Variants in SEC31B observed in about 807,000 individuals in gnomAD.
SEC31B encodes the protein SEC31 homolog B, COPII component.
In SEC31B, 113 loss-of-function variants were observed where a neutral mutation model predicts 135.0. That is an observed-to-expected ratio of 0.84 (90% CI 0.72 to 0.98). The LOEUF (loss-of-function observed/expected upper bound fraction) is 0.98, where lower values mean the gene tolerates loss of function less well. SEC31B is among the 50% of genes least tolerant of loss of function. The pLI is 0.00. For synonymous variants in SEC31B, 508 were observed against 549.4 expected, an observed-to-expected ratio of 0.92 and a Z score of 1.05; for missense variants, 1,296 against 1,421.1, an observed-to-expected ratio of 0.91 and a Z score of 1.42.
intron 19 of SEC31B, 110 bp from the exon 20 acceptor site, chr10:100,490,993 A>G: frequency 1.5e-6 from 1 of 677,022 alleles, no homozygotes. Flanking sequence ...TTCTTTGAGG[A>G]AAAAAATCAA....
At chr10:100,507,299 T>C (rs1438569637) in intron 7 of SEC31B, 126 bp downstream of exon 7, 8 of 1,193,306 alleles carry the variant, frequency 6.7e-6, no homozygotes, top group African/African-American at 3.0e-5. Flanking sequence ...TGACTATATG[T>C]TGACCGGAAT....
At chr10:100,497,915 G>C in intron 15 of SEC31B, 114 bp downstream of exon 15, 2 of 1,580,226 alleles carry the variant, frequency 1.3e-6, no homozygotes, top group East Asian at 2.2e-5. Context: ...GGGGTGGTTA[G>C]AGTAGAAAGA....
At chr10:100,489,011 C>A (rs776200146) in intron 23 of SEC31B, 37 bp from the exon 24 acceptor site, 7 of 1,567,994 alleles carry the variant, frequency 4.5e-6, no homozygotes, top group Admixed American at 1.9e-5. Context: ...GCCAGAGGGG[C>A]AAGCTGTCCT....
chr10:100,506,600 C>G (rs1318784840), intron 7 of SEC31B, 180 bp from the exon 8 acceptor site: 3 of 616,880 alleles, frequency 4.9e-6, no homozygotes, highest in Non-Finnish European at 8.4e-6. Context: ...AGTAACTTTC[C>G]AACAGTTGCA....
At chr10:100,516,334 C>G in intron 2 of SEC31B, 115 bp from the exon 3 acceptor site, 1 of 1,226,544 alleles carries the variant, frequency 8.2e-7, no homozygotes, top group Non-Finnish European at 1.1e-6. Context: ...TACCCTTTCT[C>G]AAAGGTAACT....
intron 16 of SEC31B, 95 bp from the exon 17 acceptor site, chr10:100,497,375 C>A (rs1425528550): frequency 6.4e-7 from 1 of 1,557,348 alleles, no homozygotes; most frequent in African/African-American, 1.3e-5. Context: ...GAGCCTGGGA[C>A]AAGTAGCTGC....
At position 100,496,298 on chromosome 10, in the gene SEC31B, A is replaced by C. The variant is rs1851407047; in HGVS notation, c.2270T>G (p.Leu757Arg). The stretch of plus-strand genomic sequence containing the variant: ...GGGTAGAAAGCTCATGGCAGTGGCC[A>C]GGCTGCCCTGGGCTGCCAGGAGGTT... Reference protein sequence around the residue: ...YANLLAAQGSLATAMSFLPRD... With the variant: ...YANLLAAQGSRATAMSFLPRD... Residue 757 changes from leucine to arginine, a missense_variant, in exon 18 of 26, where the codon CTG (leucine) becomes CGG (arginine). Physicochemically the swap from Leu to Arg is moderately radical, Grantham distance 102. Coordinates refer to ENST00000370345, the MANE Select transcript of SEC31B (RefSeq NM_015490.4). 4 of 1,614,222 alleles carry C rather than the reference A, an allele frequency of 2.5e-6. No homozygotes were observed. The East Asian group carries it at 6.7e-5, about 27-fold the overall frequency.
In SEC31B at chr10:100,511,378, C is replaced by T. The variant is rs559546097; in HGVS notation, c.204-1867G>A. On this transcript the variant is annotated intron_variant, in intron 3 of 25. Transcript: ENST00000370345. The stretch of plus-strand genomic sequence containing the variant: ...CTCAGGGAGTGTTCCCATCTCTACT[C>T]TGCAAATGAAAACGGGAACAAGAGA... Among the ~76,000 whole-genome samples, 12 of 152,352 alleles carry T rather than the reference C, an allele frequency of 7.9e-5. 1 individual carries two copies. Among genetic ancestry groups the T allele is most frequent in the African/African-American group, 2.9e-4 (12 of 41,588 alleles).
chr10:100,490,354 C>T (rs1032339909), intron 20 of SEC31B, 32 bp from the exon 21 acceptor site: 6 of 1,588,370 alleles, frequency 3.8e-6, no homozygotes, highest in Admixed American at 1.8e-5. Context: ...TCATTTGTCA[C>T]TAAACTTCAT....
chr10:100,502,695 C>T (rs1851546846), intron 10 of SEC31B, among the ~76,000 whole-genome samples: 1 of 152,182 alleles, frequency 6.6e-6, no homozygotes, highest in Non-Finnish European at 1.5e-5. Flanking sequence ...GGACCACCCA[C>T]TTCAAACTTC....
Position 100,490,757 on chromosome 10 carries a change from G to T in SEC31B, c.2599C>A (p.Pro867Thr). 6.2e-7 allele frequency: 1 copy of T among 1,606,114 alleles called. No homozygotes were observed. The highest frequency in any genetic ancestry group is 1.1e-5 in the South Asian group (1 of 89,730). Residue 867 changes from proline (P) to threonine (T), a missense_variant, in exon 20 of 26, where the codon CCT (proline) becomes ACT (threonine). Pro to Thr is a conservative substitution (Grantham distance 38). Coordinates refer to ENST00000370345, the MANE Select transcript of SEC31B (RefSeq NM_015490.4). ...AAAGGCTGGATGGCCTGGGGCCCAG[G>T]TGCCCTGTAGTCACTTATATTCTGT... ...RTQNISDYRA[P>T]GPQAIQPLPL... is the part of the protein sequence containing the mutation.
In SEC31B at chr10:100,488,894, C is replaced by A; in HGVS notation, c.3252G>T (p.Ala1084=). Residue 1084 remains alanine, a synonymous_variant, in exon 24 of 26, where the codon GCG becomes GCT. Coordinates refer to ENST00000370345, the MANE Select transcript of SEC31B (RefSeq NM_015490.4). ...EHQSLKSSFE[A]LLQRCSLSAT... ...CAGACAGGGAGCAGCGTTGGAGAAG[C>A]GCCTCAAAGCTGCTCTTCAAGGACT... 1 of 1,608,052 alleles carries A rather than the reference C, an allele frequency of 6.2e-7. No individual in the cohort carries two copies. The highest frequency in any genetic ancestry group is 1.1e-5 in the South Asian group (1 of 90,138).
chr10:100,491,957 C>T (rs748521204), intron 19 of SEC31B, among the ~76,000 whole-genome samples: 5 of 152,182 alleles, frequency 3.3e-5, no homozygotes, highest in African/African-American at 9.7e-5. Flanking sequence ...AGGGTGGAAC[C>T]GTACCTGCTG....
intron 5 of SEC31B, chr10:100,508,361 G>C: frequency 1.9e-6 from 1 of 522,074 alleles, no homozygotes; most frequent in South Asian, 1.6e-5. Flanking sequence ...GAGAGAAGGA[G>C]GAAGATGAGG....
chr10:100,488,404 A>G (rs929576398), intron 24 of SEC31B, among the ~76,000 whole-genome samples: 3 of 147,360 alleles, frequency 2.0e-5, no homozygotes, highest in Non-Finnish European at 3.0e-5. Context: ...GCTTGCAGTG[A>G]GCCGAGATCG....
At position 100,508,069 on chromosome 10, in the gene SEC31B, C is replaced by T. The variant is rs768707553; in HGVS notation, c.496-18G>A. 3 of 1,613,666 alleles carry T rather than the reference C, an allele frequency of 1.9e-6. No homozygotes were observed. In the East Asian group the frequency reaches 6.7e-5, roughly 36 times the overall value. ...GGAGGCTGCTAAGGCAGGATGGGGA[C>T]AGAAAGATGACAACTTGTCACCCCC... On this transcript the variant is annotated intron_variant, in intron 5 of 25. Transcript: ENST00000370345.
rs184524789 is a variant in SEC31B, at chr10:100,517,843, G to C, written c.-45-846C>G. 2.0e-5 allele frequency among the ~76,000 whole-genome samples: 3 copies of C among 152,078 alleles called. 1 individual carries two copies. Among genetic ancestry groups the C allele is most frequent in the Admixed American group, 2.0e-4 (3 of 15,280 alleles). On this transcript the variant is annotated intron_variant, in intron 1 of 25. Coordinates refer to ENST00000370345, the MANE Select transcript of SEC31B (RefSeq NM_015490.4). ...ATCCACCCAATTGCTCAACCCAGAA[G>C]CCTGAAAATCCCTCTTGATCCCTCC...
chr10:100,487,427 A>G lies in SEC31B; in HGVS notation c.*189T>C, dbSNP rs1290378574. The G allele has an allele frequency of 1.6e-6, 1 of 607,858 alleles. No homozygotes were observed. The highest frequency in any genetic ancestry group is 2.0e-5 in the South Asian group (1 of 50,276). 37.7% of individuals were successfully genotyped at this position (607,858 alleles called of 1,614,324 possible). On this transcript the variant is annotated 3_prime_UTR_variant, in exon 26 of 26. Transcript: ENST00000370345. Reference sequence around the variant, plus strand: ...TGAGAGTGTCTTGGACAGATCCTAGAAGGCCAGACATAAAGGAGTAAAAAG... The same window carrying G: ...TGAGAGTGTCTTGGACAGATCCTAGGAGGCCAGACATAAAGGAGTAAAAAG...
At position 100,497,264 on chromosome 10, in the gene SEC31B, G is replaced by C; in HGVS notation, c.2007C>G (p.Arg669=). 6.2e-7 allele frequency: 1 copy of C among 1,614,036 alleles called. No homozygotes were observed. The highest frequency in any genetic ancestry group is 8.5e-7 in the Non-Finnish European group (1 of 1,179,936). The change falls in exon 17 of 26, where the codon CGC becomes CGG. Residue 669 remains arginine (R), a synonymous_variant. Coordinates refer to ENST00000370345, the MANE Select transcript of SEC31B (RefSeq NM_015490.4). The stretch of plus-strand genomic sequence containing the variant: ...GTGCCCTGCTGCCCTCCTGTTCCAT[G>C]CGAGTTCCCAGCATGTCTGCAGAGA... ...FPELCDMLGT[R]MEQEGSRALT...
Sources: allele counts gnomAD v4.1 joint callset (sites outside exome capture counted in the v4.1 genomes callset), GRCh38; gene constraint gnomAD v4.1.1; transcripts MANE v1.5; gene names NCBI Gene and HGNC (gene_info 2026-07-23, HGNC 2026-07-21).